ARID5B: variants seen among roughly 807,000 people sequenced by gnomAD.
ARID5B encodes AT-rich interaction domain 5B, also known as AT-rich interactive domain-containing protein 5B.
Under a neutral mutation model 97.2 loss-of-function variants are expected in ARID5B, and 13 were observed. The ratio of observed to expected loss-of-function variants is 0.13; its 90% confidence interval spans 0.09 to 0.21. ARID5B has a LOEUF of 0.21. Ranked by LOEUF, ARID5B falls within the 10% of genes least tolerant of loss-of-function variation. The probability of loss-of-function intolerance (pLI) is 1.00; values close to 1 mark genes in which losing one functional copy is unlikely to be tolerated. For synonymous variants in ARID5B, 556 were observed against 570.3 expected, an observed-to-expected ratio of 0.97 and a Z score of 0.36; for missense variants, 1,210 against 1,465.3, an observed-to-expected ratio of 0.83 and a Z score of 2.84.
intron 2 of ARID5B, among the ~76,000 whole-genome samples, chr10:61,906,397 G>A (rs956621735): frequency 4.6e-5 from 7 of 152,096 alleles, no homozygotes; most frequent in African/African-American, 1.4e-4. Context: ...CAAAGTAGGC[G>A]GGTAATTGGT....
Position 62,092,885 on chromosome 10 carries a change from A to G in ARID5B, c.3422A>G (p.Tyr1141Cys), listed in dbSNP as rs755468425. The G allele has an allele frequency of 1.9e-6, 3 of 1,614,140 alleles. No individual in the cohort carries two copies. The South Asian group carries it at 3.3e-5, about 18-fold the overall frequency. ...TCACCGACAAATTCTCAGCAGCTGT[A>G]CAGACACTTGGCTGCGGCTACACCT... ...FTSPTNSQQL[Y>C]RHLAAATPVG... is the part of the protein sequence containing the mutation. Residue 1141 changes from tyrosine (Y) to cysteine (C), a missense_variant, in exon 10 of 10, where the codon TAC becomes TGC. This residue lies in a region of ARID5B where 54 missense variants were observed against 67.4 expected (regional missense o/e 0.80). Transcript: ENST00000279873.
intron 5 of ARID5B, among the ~76,000 whole-genome samples, chr10:62,055,950 G>A (rs12269308): frequency 0.018 from 2,793 of 152,228 alleles, 82 homozygotes; most frequent in African/African-American, 0.064. Flanking sequence ...ATTTTTATTC[G>A]TAACATTTCC....
chr10:62,077,890 AG>A (rs568950749), intron 8 of ARID5B, among the ~76,000 whole-genome samples: 23 of 152,380 alleles, frequency 1.5e-4, no homozygotes, highest in African/African-American at 5.0e-4. Context: ...TTGAAAATTC[AG>A]AAAGCATGTT....
At chr10:62,055,588 A>T (rs1839845542) in intron 5 of ARID5B, among the ~76,000 whole-genome samples, 1 of 152,230 alleles carries the variant, frequency 6.6e-6, no homozygotes, top group Admixed American at 6.5e-5. Context: ...AATGATGACA[A>T]CATAAAGTTT....
chr10:62,074,129 C>G (rs1840098348), intron 8 of ARID5B, among the ~76,000 whole-genome samples: 1 of 152,090 alleles, frequency 6.6e-6, no homozygotes, highest in Non-Finnish European at 1.5e-5. Context: ...TTTAATTTTC[C>G]TGAATAAATT....
chr10:61,978,632 G>A (rs979251363), intron 3 of ARID5B, among the ~76,000 whole-genome samples: 5 of 152,126 alleles, frequency 3.3e-5, no homozygotes, highest in African/African-American at 9.7e-5. Context: ...ATTGTGAATG[G>A]GAGTTCACTC....
chr10:61,959,193 T>C (rs1838436368), intron 3 of ARID5B, among the ~76,000 whole-genome samples: 3 of 152,238 alleles, frequency 2.0e-5, no homozygotes, highest in African/African-American at 7.2e-5. Context: ...CCTAGTTATA[T>C]TCATGGTTGC....
intron 3 of ARID5B, among the ~76,000 whole-genome samples, chr10:61,945,894 A>G (rs1844490443): frequency 1.3e-5 from 2 of 151,270 alleles, no homozygotes; most frequent in African/African-American, 4.8e-5. Flanking sequence ...AACAGGGTTT[A>G]CTCTCATTAC....
chr10:61,933,743 C>A (rs1844252071), intron 2 of ARID5B, among the ~76,000 whole-genome samples: 1 of 152,140 alleles, frequency 6.6e-6, no homozygotes, highest in Non-Finnish European at 1.5e-5. Flanking sequence ...TGCTCTCAAT[C>A]CAGCTTCATT....
intron 3 of ARID5B, among the ~76,000 whole-genome samples, chr10:61,973,580 TACAC>T (rs148508805): frequency 1.3e-5 from 2 of 150,192 alleles, no homozygotes; most frequent in Non-Finnish European, 3.0e-5. Flanking sequence ...CACACATGCA[TACAC>T]ACACACACAC....
chr10:61,989,194 G>T (rs552922682), intron 3 of ARID5B, among the ~76,000 whole-genome samples: 7 of 152,202 alleles, frequency 4.6e-5, no homozygotes, highest in Non-Finnish European at 1.0e-4. Context: ...CTCCCAAAGT[G>T]CTGGGATTAC....
chr10:62,061,971 C>G (rs1237124883), intron 7 of ARID5B, among the ~76,000 whole-genome samples: 6 of 152,130 alleles, frequency 3.9e-5, no homozygotes, highest in Non-Finnish European at 8.8e-5. Context: ...TTCCTTCCTT[C>G]TTCCTTTTTC....
At chr10:61,903,082 C>T (rs1422636731) in intron 2 of ARID5B, among the ~76,000 whole-genome samples, 1 of 152,200 alleles carries the variant, frequency 6.6e-6, no homozygotes, top group Non-Finnish European at 1.5e-5. Context: ...CCCACTCCCC[C>T]TCCCCCCGGA....
At chr10:61,920,610 T>A (rs1311372779) in intron 2 of ARID5B, among the ~76,000 whole-genome samples, 4 of 152,094 alleles carry the variant, frequency 2.6e-5, no homozygotes. Flanking sequence ...AAAAGATGAC[T>A]CTTAAATGAG....
At chr10:62,019,862 G>T (rs891327432) in intron 4 of ARID5B, among the ~76,000 whole-genome samples, 7 of 152,146 alleles carry the variant, frequency 4.6e-5, no homozygotes, top group Non-Finnish European at 1.5e-5. Flanking sequence ...TGCTCCTAGG[G>T]AGCCACAGAA....
intron 4 of ARID5B, among the ~76,000 whole-genome samples, chr10:62,016,808 G>A (rs142361610): frequency 6.6e-6 from 1 of 152,316 alleles, no homozygotes; most frequent in East Asian, 1.9e-4. Context: ...TTTCAGTACA[G>A]TGGGTTGTGT....
intron 4 of ARID5B, among the ~76,000 whole-genome samples, chr10:62,047,863 G>T (rs1248470915): frequency 1.3e-5 from 2 of 152,166 alleles, no homozygotes; most frequent in Non-Finnish European, 2.9e-5. Flanking sequence ...ACTTTACCTG[G>T]AGTCTTCTGA....
intron 8 of ARID5B, among the ~76,000 whole-genome samples, chr10:62,072,896 A>G (rs1243305608): frequency 1.3e-5 from 2 of 152,248 alleles, no homozygotes; most frequent in Non-Finnish European, 2.9e-5. Context: ...GAGGACATGC[A>G]CATATATCCA....
At chr10:61,946,929 AT>A (rs1343951315) in intron 3 of ARID5B, among the ~76,000 whole-genome samples, 1 of 152,166 alleles carries the variant, frequency 6.6e-6, no homozygotes, top group East Asian at 1.9e-4. Flanking sequence ...TCAAAAAAAA[AT>A]AATAATAATT....
Sources: gnomAD v4.1 joint callset for allele counts (sites outside exome capture counted in the v4.1 genomes callset) on GRCh38, gnomAD v4.1.1 for gene constraint, gnomAD v4.1.1 regional missense constraint, MANE v1.5 for transcripts, NCBI Gene and HGNC (gene_info 2026-07-23, HGNC 2026-07-21) for gene names.